Variants in LINGO2 observed in about 807,000 individuals in gnomAD.
LINGO2 encodes the protein leucine rich repeat and Ig domain containing 2, also known as leucine-rich repeat and immunoglobulin-like domain-containing nogo receptor-interacting protein 2.
A neutral mutation model predicts 30.6 loss-of-function variants in LINGO2; 14 were observed. That is an observed-to-expected ratio of 0.46 (90% CI 0.30 to 0.72). LINGO2 has a LOEUF of 0.72. Among genes scored for constraint, LINGO2 ranks in the 30% least tolerant of loss-of-function variants. LINGO2 has a pLI of 0.07. For missense variants in LINGO2, 729 were observed against 751.7 expected (o/e 0.97, Z 0.35); for synonymous variants, 317 against 288.5 (o/e 1.10, Z -1.00).
chr9:28,665,047 C>T (rs755394097), intron 1 of LINGO2, among the ~76,000 whole-genome samples: 6 of 106,500 alleles, frequency 5.6e-5, no homozygotes, highest in South Asian at 4.1e-4. Flanking sequence ...ATGTTATAAG[C>T]GAACACAATA....
chr9:28,575,266 C>T (rs1033871279), intron 1 of LINGO2, among the ~76,000 whole-genome samples: 4 of 151,758 alleles, frequency 2.6e-5, no homozygotes, highest in East Asian at 1.9e-4. Flanking sequence ...TGCGCAGTGG[C>T]GGGCGCCTGT....
chr9:28,367,234 C>T (rs1247989098), intron 3 of LINGO2, among the ~76,000 whole-genome samples: 3 of 152,126 alleles, frequency 2.0e-5, no homozygotes, highest in African/African-American at 7.2e-5. Flanking sequence ...TGCATGATTT[C>T]TATAAATCTG....
chr9:28,607,061 G>A (rs762392631), intron 1 of LINGO2, among the ~76,000 whole-genome samples: 30 of 151,984 alleles, frequency 2.0e-4, no homozygotes, highest in Non-Finnish European at 3.4e-4. Flanking sequence ...GGAAATGTGG[G>A]AAATACCTGT....
chr9:29,087,562 T>A, the LINGO2 span, among the ~76,000 whole-genome samples: 13 of 152,176 alleles, frequency 8.5e-5, no homozygotes, highest in Non-Finnish European at 1.6e-4. Flanking sequence ...AGTTTTCCCA[T>A]AGACCACACT....
chr9:28,183,637 A>G (rs1819438104), intron 4 of LINGO2, among the ~76,000 whole-genome samples: 1 of 152,184 alleles, frequency 6.6e-6, no homozygotes, highest in Non-Finnish European at 1.5e-5. Context: ...GAGTTATACA[A>G]TGTGACTACA....
the LINGO2 span, among the ~76,000 whole-genome samples, chr9:28,962,419 GTTAAAACAT>G: frequency 6.6e-6 from 1 of 151,974 alleles, no homozygotes; most frequent in African/African-American, 2.4e-5. Context: ...ATCAAACTTA[GTTAAAACAT>G]TTTTGCATTT....
chr9:28,767,808 G>C, the LINGO2 span, among the ~76,000 whole-genome samples: 2 of 107,800 alleles, frequency 1.9e-5, no homozygotes, highest in Non-Finnish European at 4.2e-5. Context: ...AAAAAAAAAA[G>C]TTCATGCCTT....
chr9:28,222,314 A>C (rs75023295), intron 4 of LINGO2, among the ~76,000 whole-genome samples: 2,991 of 152,262 alleles, frequency 0.02, 104 homozygotes, highest in African/African-American at 0.068. Context: ...ATGAAAATAA[A>C]TGGCATTTTC....
chr9:28,079,029 G>A (rs1288575128), intron 4 of LINGO2, among the ~76,000 whole-genome samples: 2 of 148,474 alleles, frequency 1.3e-5, no homozygotes, highest in South Asian at 2.1e-4. Flanking sequence ...TCTAACACGA[G>A]GGAGCTCCCT....
chr9:28,348,599 A>C (rs1353379834), intron 3 of LINGO2, among the ~76,000 whole-genome samples: 5 of 152,188 alleles, frequency 3.3e-5, no homozygotes, highest in East Asian at 1.9e-4. Flanking sequence ...CCCAGGCTTG[A>C]TTAGGTAAAC....
At chr9:28,135,960 C>T (rs1827505813) in intron 4 of LINGO2, among the ~76,000 whole-genome samples, 1 of 152,076 alleles carries the variant, frequency 6.6e-6, no homozygotes, top group Non-Finnish European at 1.5e-5. Context: ...GAACAGAGGT[C>T]TGTATAGTCC....
At chr9:28,204,923 A>G (rs2133834538) in intron 4 of LINGO2, among the ~76,000 whole-genome samples, 2 of 152,280 alleles carry the variant, frequency 1.3e-5, no homozygotes, top group Middle Eastern at 3.4e-3. Flanking sequence ...CATCAAAACC[A>G]GGGACCAGTC....
At chr9:28,190,385 T>C (rs1819778527) in intron 4 of LINGO2, among the ~76,000 whole-genome samples, 1 of 152,158 alleles carries the variant, frequency 6.6e-6, no homozygotes, top group African/African-American at 2.4e-5. Context: ...ATGAACCGAA[T>C]ATTTTTGTTC....
At chr9:29,030,144 G>T in the LINGO2 span, among the ~76,000 whole-genome samples, 6 of 152,024 alleles carry the variant, frequency 3.9e-5, no homozygotes, top group African/African-American at 1.2e-4. Context: ...TTTTAGGATT[G>T]CCAAGTCTAA....
At chr9:28,682,831 T>A in the LINGO2 span, among the ~76,000 whole-genome samples, 1 of 152,106 alleles carries the variant, frequency 6.6e-6, no homozygotes, top group Non-Finnish European at 1.5e-5. Flanking sequence ...AATTTCATAT[T>A]AAAACATAAT....
intron 5 of LINGO2, among the ~76,000 whole-genome samples, chr9:27,997,758 A>G (rs574425159): frequency 6.6e-6 from 1 of 152,246 alleles, no homozygotes; most frequent in South Asian, 2.1e-4. Context: ...TAATCCAGTG[A>G]TTTGTTCTCT....
intron 1 of LINGO2, among the ~76,000 whole-genome samples, chr9:28,657,186 T>C (rs995387002): frequency 6.6e-6 from 1 of 152,108 alleles, no homozygotes; most frequent in Non-Finnish European, 1.5e-5. Context: ...TTTGGTAATA[T>C]ATATATAACA....
intron 2 of LINGO2, among the ~76,000 whole-genome samples, chr9:28,444,959 G>A (rs1269990489): frequency 1.3e-5 from 2 of 152,146 alleles, no homozygotes; most frequent in East Asian, 3.9e-4. Flanking sequence ...CAGGCATAAG[G>A]TGCTGCTGTC....
At chr9:28,859,233 C>T in the LINGO2 span, among the ~76,000 whole-genome samples, 1 of 152,128 alleles carries the variant, frequency 6.6e-6, no homozygotes, top group Admixed American at 6.6e-5. Context: ...ATTTAGTTTA[C>T]TTCTTTAATT....
Sources: gnomAD v4.1 joint callset for allele counts (sites outside exome capture counted in the v4.1 genomes callset) on GRCh38, gnomAD v4.1.1 for gene constraint, MANE v1.5 for transcripts, NCBI Gene and HGNC (gene_info 2026-07-23, HGNC 2026-07-21) for gene names.